Variants in MYLK2 observed in about 807,000 individuals in gnomAD.
MYLK2 encodes the protein myosin light chain kinase 2, also known as myosin light chain kinase 2, skeletal/cardiac muscle.
Under a neutral mutation model 58.2 loss-of-function variants are expected in MYLK2, and 27 were observed. That is an observed-to-expected ratio of 0.46 (90% CI 0.34 to 0.64). The LOEUF (loss-of-function observed/expected upper bound fraction) is 0.64, where lower values mean the gene tolerates loss of function less well. MYLK2 is among the 30% of genes least tolerant of loss of function. The pLI is 0.01. For synonymous variants in MYLK2, 310 were observed against 296.7 expected, an observed-to-expected ratio of 1.04 and a Z score of -0.46; for missense variants, 676 against 764.3, an observed-to-expected ratio of 0.88 and a Z score of 1.36.
rs893639120 is a variant in MYLK2 at position 31,833,620 on chromosome 20, C to G, written c.1711-97C>G. 10 of 1,095,228 alleles carry G rather than the reference C, an allele frequency of 9.1e-6. No homozygotes were observed. The Admixed American group carries it at 1.7e-4, about 19-fold the overall frequency. The allele number at this position is 1,095,228 out of a possible 1,614,324, so 67.8% of individuals were successfully genotyped here. A position where few individuals can be genotyped will look rare whatever the true frequency, so the allele number is the denominator to read the frequency against. On this transcript the variant is annotated intron_variant, in intron 12 of 12. Coordinates refer to ENST00000375985, the MANE Select transcript of MYLK2 (RefSeq NM_033118.4). Reference sequence around the variant, plus strand: ...CACTGCACCTTCTCTAGCCTGTGACCCTCCTGGACTGAAGGGGACTTACAG... The same window carrying G: ...CACTGCACCTTCTCTAGCCTGTGACGCTCCTGGACTGAAGGGGACTTACAG...
At chr20:31,828,637 C>T (rs1568633008) in intron 8 of MYLK2, 7 of 985,432 alleles carry the variant, frequency 7.1e-6, no homozygotes, top group Non-Finnish European at 7.2e-6. Context: ...AATGCGGAAT[C>T]GCACTGGGTG....
intron 5 of MYLK2, 111 bp from the exon 6 acceptor site, chr20:31,824,148 G>T: frequency 6.5e-7 from 1 of 1,538,726 alleles, no homozygotes; most frequent in African/African-American, 1.4e-5. Flanking sequence ...CTCACCAAAG[G>T]GGATCCAGAG....
intron 8 of MYLK2, chr20:31,828,136 C>T: frequency 1.0e-6 from 1 of 971,152 alleles, no homozygotes; most frequent in Non-Finnish European, 1.2e-6. Context: ...GATCTGCCTG[C>T]CTCAGCCTCC....
rs541304275 is a variant in MYLK2 at position 31,824,756 on chromosome 20, T to C, written c.972+404T>C. Among the ~76,000 whole-genome samples, 3 of 152,304 alleles carry C rather than the reference T, an allele frequency of 2.0e-5. No homozygotes were observed. In the South Asian group the frequency reaches 6.2e-4, roughly 32 times the overall value. On this transcript the variant is annotated intron_variant, in intron 6 of 12. Coordinates refer to ENST00000375985, the MANE Select transcript of MYLK2 (RefSeq NM_033118.4). ...CAAGCCTGGCCTAGAGCTTTGCCTC[T>C]AGTACCCACGGCCTGGGCTGGGTTC...
intron 8 of MYLK2, chr20:31,828,173 C>A: frequency 4.1e-6 from 4 of 985,332 alleles, no homozygotes; most frequent in Non-Finnish European, 4.8e-6. Flanking sequence ...CATGTGTGAG[C>A]CACCGTGCCT....
At position 31,826,906 on chromosome 20, in the gene MYLK2, C is replaced by T. The variant is rs1197394195; in HGVS notation, c.1192C>T (p.His398Tyr). Residue 398 changes from histidine to tyrosine, a missense_variant, in exon 8 of 13, where the codon CAC (histidine) becomes TAC (tyrosine). His to Tyr is a moderately conservative substitution (Grantham distance 83). This residue lies in a region of MYLK2 where 370 missense variants were observed against 467.8 expected (regional missense o/e 0.79). Transcript: ENST00000375985. ...RQICDGILFM[H>Y]KMRVLHLDLK... ...GATCTGTGACGGGATCCTCTTCATG[C>T]ACAAGATGAGGGTTTTGCACCTGGA... is the stretch of plus-strand genomic sequence containing the variant. 1 of 1,614,126 alleles carries T rather than the reference C, an allele frequency of 6.2e-7. No individual in the cohort carries two copies. Among genetic ancestry groups the T allele is most frequent in the Non-Finnish European group, 8.5e-7 (1 of 1,180,024 alleles).
rs6060976 is a variant in MYLK2 at position 31,827,139 on chromosome 20, G to A, written c.1224+201G>A. ...GGCACAGCAAAGAGAGAGAGGGGGG[G>A]AAAAAAAAAAGACGTGGTACCAGCT... On this transcript the variant is annotated intron_variant, in intron 8 of 12. Transcript: ENST00000375985. 0.3 allele frequency: 264,614 copies of A among 872,432 alleles called. 31,474 individuals are homozygous for A. The highest frequency in any genetic ancestry group is 0.69 in the African/African-American group (36,330 of 52,824). The allele number at this position is 872,432 out of a possible 1,614,324, so 54.0% of individuals were successfully genotyped here.
chr20:31,821,835 C>A, intron 4 of MYLK2, 98 bp downstream of exon 4: 1 of 1,247,720 alleles, frequency 8.0e-7, no homozygotes, highest in Non-Finnish European at 1.1e-6. Flanking sequence ...GTCTGAACTG[C>A]CCTGAGCCAA....
intron 5 of MYLK2, chr20:31,823,999 A>G: frequency 1.0e-6 from 1 of 984,444 alleles, no homozygotes; most frequent in South Asian, 4.7e-5. Context: ...GTCGCATCCC[A>G]GGGCCATCCT....
In MYLK2 at chr20:31,827,136, G is replaced by T. The variant is rs1053386979; in HGVS notation, c.1224+198G>T. ...GGGGGCACAGCAAAGAGAGAGAGGG[G>T]GGGAAAAAAAAAAGACGTGGTACCA... On this transcript the variant is annotated intron_variant, in intron 8 of 12. Transcript: ENST00000375985. The T allele has an allele frequency of 6.1e-6, 6 of 982,214 alleles. No individual in the cohort carries two copies. Among genetic ancestry groups the T allele is most frequent in the African/African-American group, 1.8e-5 (1 of 57,036 alleles). 60.8% of individuals were successfully genotyped at this position (982,214 alleles called of 1,614,324 possible). A position where few individuals can be genotyped will look rare whatever the true frequency, so the allele number is the denominator to read the frequency against.
In MYLK2 at chr20:31,832,028, T is replaced by C; in HGVS notation, c.1602T>C (p.Cys534=). Residue 534 remains cysteine, a synonymous_variant, in exon 12 of 13, where the codon TGT becomes TGC. Transcript: ENST00000375985. ...DQRARMNAAQ[C]LAHPWLNNLA... The stretch of plus-strand genomic sequence containing the variant: ...GGGCCCGGATGAACGCTGCCCAGTG[T>C]CTCGCCCATCCCTGGCTCAACAACC... 6.2e-7 allele frequency: 1 copy of C among 1,608,372 alleles called. No homozygotes were observed. The highest frequency in any genetic ancestry group is 8.5e-7 in the Non-Finnish European group (1 of 1,177,268).
Position 31,820,180 on chromosome 20 carries a change from C to T in MYLK2, c.107C>T (p.Pro36Leu), listed in dbSNP as rs1163812443. 1.2e-6 allele frequency: 2 copies of T among 1,614,030 alleles called. No homozygotes were observed. Among genetic ancestry groups the T allele is most frequent in the African/African-American group, 1.3e-5 (1 of 75,048 alleles). Residue 36 changes from proline to leucine, a missense_variant, in exon 3 of 13, where the codon CCT (proline) becomes CTT (leucine). This residue lies in a region of MYLK2 where 306 missense variants were observed against 296.5 expected (regional missense o/e 1.03). Transcript: ENST00000375985. ...AGACCCCTGGCTGCAGGGAAAGACCCTGGCCCCCCAGACCCAAAGAAAGCT... is the reference window on the plus strand; with the variant it reads ...AGACCCCTGGCTGCAGGGAAAGACCTTGGCCCCCCAGACCCAAAGAAAGCT... Reference protein sequence around the residue: ...GERPLAAGKDPGPPDPKKAPD... With the variant: ...GERPLAAGKDLGPPDPKKAPD...
chr20:31,822,538 C>T (rs1446859195), intron 4 of MYLK2, among the ~76,000 whole-genome samples: 1 of 152,050 alleles, frequency 6.6e-6, no homozygotes, highest in Non-Finnish European at 1.5e-5. Context: ...CTGCAGAGAG[C>T]ACTGAGTGTG....
rs552750126 is a variant in MYLK2, at chr20:31,830,576, G to A, written c.1225-243G>A. ...GTTCTTTCATGGCCTTAGATGGAGG[G>A]AAATCTCACCTGAACCCATCACGGC... On this transcript the variant is annotated intron_variant, in intron 8 of 12. Transcript: ENST00000375985. Among the ~76,000 whole-genome samples, 3 of 152,314 alleles carry A rather than the reference G, an allele frequency of 2.0e-5. No individual in the cohort carries two copies. The East Asian group carries it at 5.8e-4, about 29-fold the overall frequency.
At position 31,826,592 on chromosome 20, in the gene MYLK2, C is replaced by T. The variant is rs750724227; in HGVS notation, c.973-13C>T. ...GGTGCCCAGCTGGTACCCTTGACTT[C>T]CCTGGTCCCCAGGAAATGGTGTTGC... is the stretch of plus-strand genomic sequence containing the variant. On this transcript the variant is annotated splice_polypyrimidine_tract_variant and intron_variant, in intron 6 of 12. Coordinates refer to ENST00000375985, the MANE Select transcript of MYLK2 (RefSeq NM_033118.4). 2 of 1,613,934 alleles carry T rather than the reference C, an allele frequency of 1.2e-6. No individual in the cohort carries two copies. Among genetic ancestry groups the T allele is most frequent in the Non-Finnish European group, 1.7e-6 (2 of 1,179,980 alleles).
rs565584808 is a variant in MYLK2, at chr20:31,828,723, C to T, written c.1224+1785C>T. On this transcript the variant is annotated intron_variant, in intron 8 of 12. Transcript: ENST00000375985. ...CTCTAACACCTGTCCCAGTTTTGCTCTGTGCCCGACACTGTCTGAGTGAGG... is the reference window on the plus strand; with the variant it reads ...CTCTAACACCTGTCCCAGTTTTGCTTTGTGCCCGACACTGTCTGAGTGAGG... The T allele has an allele frequency of 6.6e-5, 65 of 985,436 alleles. No individual in the cohort carries two copies. The South Asian group carries it at 2.8e-3, about 43-fold the overall frequency. The allele number at this position is 985,436 out of a possible 1,614,324, so 61.0% of individuals were successfully genotyped here. A position where few individuals can be genotyped will look rare whatever the true frequency, so the allele number is the denominator to read the frequency against.
At chr20:31,833,327 G>T (rs1272984843) in intron 12 of MYLK2, among the ~76,000 whole-genome samples, 1 of 152,194 alleles carries the variant, frequency 6.6e-6, no homozygotes, top group Non-Finnish European at 1.5e-5. Context: ...GGTGTGGTTG[G>T]AGAGTTTGAG....
rs774881101 is a variant in MYLK2, at chr20:31,820,106, G to T, written c.53-20G>T. 1.9e-6 allele frequency: 3 copies of T among 1,613,240 alleles called. No homozygotes were observed. The African/African-American group carries it at 4.0e-5, about 22-fold the overall frequency. ...AGGAAAGGAGGGTGGATCCTGATGG[G>T]TGTCTCACCTCCTCTGCAGACAAGG... On this transcript the variant is annotated intron_variant, in intron 2 of 12. Coordinates refer to ENST00000375985, the MANE Select transcript of MYLK2 (RefSeq NM_033118.4).
At chr20:31,824,832 G>A (rs990907232) in intron 6 of MYLK2, among the ~76,000 whole-genome samples, 2 of 152,242 alleles carry the variant, frequency 1.3e-5, no homozygotes, top group East Asian at 1.9e-4. Context: ...ATGCAGGCAG[G>A]TAGAGTGAGG....
Sources: gnomAD v4.1 joint callset for allele counts (sites outside exome capture counted in the v4.1 genomes callset) on GRCh38, gnomAD v4.1.1 for gene constraint, gnomAD v4.1.1 regional missense constraint, MANE v1.5 for transcripts, NCBI Gene and HGNC (gene_info 2026-07-23, HGNC 2026-07-21) for gene names.